The following SYT10 variants were observed in gnomAD, a reference collection of about 807,000 sequenced individuals.
The protein encoded by SYT10 is synaptotagmin-10.
A neutral mutation model predicts 51.1 loss-of-function variants in SYT10; 31 were observed. That is an observed-to-expected ratio of 0.61 (90% confidence interval 0.46 to 0.82). The LOEUF (loss-of-function observed/expected upper bound fraction) is 0.82. Among genes scored for constraint, SYT10 ranks in the 40% least tolerant of loss-of-function variants. SYT10 has a pLI of 0.00. For synonymous variants in SYT10, 233 were observed against 225.9 expected (o/e 1.03, Z -0.28); for missense variants, 603 against 634.0 (o/e 0.95, Z 0.53).
intron 3 of SYT10, among the ~76,000 whole-genome samples, chr12:33,392,255 A>G (rs1866214116): frequency 6.6e-6 from 1 of 152,138 alleles, no homozygotes; most frequent in South Asian, 2.1e-4. Flanking sequence ...TTTTCCTTAC[A>G]TATCTGGTAA....
At chr12:33,413,717 C>T in intron 2 of SYT10, among the ~76,000 whole-genome samples, 1 of 152,180 alleles carries the variant, frequency 6.6e-6, no homozygotes. Context: ...CGGTACCAGC[C>T]ACTGCAAAAA....
At position 33,376,706 on chromosome 12, in the gene SYT10, C is replaced by A; in HGVS notation, c.*124G>T. 9.8e-7 allele frequency: 1 copy of A among 1,022,440 alleles called. No homozygotes were observed. Among genetic ancestry groups the A allele is most frequent in the Non-Finnish European group, 1.4e-6 (1 of 698,998 alleles). The allele number at this position is 1,022,440 out of a possible 1,614,324, so 63.3% of individuals were successfully genotyped here. On this transcript the variant is annotated 3_prime_UTR_variant, in exon 7 of 7. Coordinates refer to ENST00000228567, the MANE Select transcript of SYT10 (RefSeq NM_198992.4). ...AACAATAAAAGCAAATAAAAAAGTG[C>A]ACATCAAGTTTGTTCATTAGTACGG...
At chr12:33,383,296 T>C (rs1866131807) in intron 4 of SYT10, among the ~76,000 whole-genome samples, 2 of 152,176 alleles carry the variant, frequency 1.3e-5, no homozygotes, top group African/African-American at 4.8e-5. Flanking sequence ...GCTATCAATT[T>C]TTTTTTCATT....
At chr12:33,411,419 T>C (rs1866403656) in intron 2 of SYT10, among the ~76,000 whole-genome samples, 2 of 152,160 alleles carry the variant, frequency 1.3e-5, no homozygotes, top group African/African-American at 4.8e-5. Flanking sequence ...AATTTGTAAA[T>C]GAAATTATGA....
intron 2 of SYT10, among the ~76,000 whole-genome samples, chr12:33,414,150 T>C (rs1866433237): frequency 6.6e-6 from 1 of 152,144 alleles, no homozygotes; most frequent in Non-Finnish European, 1.5e-5. Context: ...TAAATATATA[T>C]GCACCCAATA....
chr12:33,395,285 AGAG>A (rs1866246536), intron 3 of SYT10, among the ~76,000 whole-genome samples: 1 of 152,236 alleles, frequency 6.6e-6, no homozygotes, highest in Non-Finnish European at 1.5e-5. Flanking sequence ...AGCCTGTTAC[AGAG>A]GAGGAGAAGA....
chr12:33,424,754 A>T (rs1461056745), intron 2 of SYT10, among the ~76,000 whole-genome samples: 1 of 151,788 alleles, frequency 6.6e-6, no homozygotes, highest in African/African-American at 2.4e-5. Flanking sequence ...ATAAATATAT[A>T]GTTCAATAAA....
intron 2 of SYT10, among the ~76,000 whole-genome samples, chr12:33,419,909 C>T (rs754700953): frequency 3.3e-5 from 5 of 152,004 alleles, no homozygotes; most frequent in Non-Finnish European, 7.4e-5. Flanking sequence ...AATAATAAAT[C>T]CAAGAACTTA....
At chr12:33,421,428 C>T (rs1377219843) in intron 2 of SYT10, among the ~76,000 whole-genome samples, 3 of 152,158 alleles carry the variant, frequency 2.0e-5, no homozygotes, top group Admixed American at 6.6e-5. Context: ...CTATTCACCT[C>T]GTCTTTACGC....
intron 2 of SYT10, among the ~76,000 whole-genome samples, chr12:33,414,212 T>C (rs562954303): frequency 1.3e-5 from 2 of 152,258 alleles, no homozygotes; most frequent in South Asian, 4.1e-4. Flanking sequence ...CAAAGAGACT[T>C]AGACTCCCCC....
intron 3 of SYT10, among the ~76,000 whole-genome samples, chr12:33,402,888 A>G (rs1866318414): frequency 6.6e-6 from 1 of 152,118 alleles, no homozygotes; most frequent in Non-Finnish European, 1.5e-5. Flanking sequence ...TTCAACAATT[A>G]TGAGATATAA....
chr12:33,405,502 A>G (rs890200739), intron 3 of SYT10: 1 of 152,128 alleles, frequency 6.6e-6, no homozygotes, highest in African/African-American at 2.4e-5. Context: ...CTGGAATACA[A>G]TATTGAACTG....
intron 6 of SYT10, among the ~76,000 whole-genome samples, chr12:33,377,731 A>G (rs1161414723): frequency 6.9e-6 from 1 of 145,046 alleles, no homozygotes; most frequent in Non-Finnish European, 1.5e-5. Context: ...GGGTTTAAGC[A>G]ATTCTCCTGC....
chr12:33,412,239 A>G (rs1866413117), intron 2 of SYT10, among the ~76,000 whole-genome samples: 2 of 150,454 alleles, frequency 1.3e-5, no homozygotes, highest in African/African-American at 2.5e-5. Flanking sequence ...AAGTCCCTTT[A>G]TAAGAATAAA....
chr12:33,392,431 G>C (rs1382503389), intron 3 of SYT10, among the ~76,000 whole-genome samples: 1 of 151,950 alleles, frequency 6.6e-6, no homozygotes, highest in Non-Finnish European at 1.5e-5. Context: ...CACAATTTTT[G>C]CACAACACGC....
chr12:33,397,158 G>C (rs1267159245), intron 3 of SYT10, among the ~76,000 whole-genome samples: 1 of 152,158 alleles, frequency 6.6e-6, no homozygotes, highest in Non-Finnish European at 1.5e-5. Flanking sequence ...TAACCAGTTT[G>C]TAATTAGGAA....
chr12:33,412,131 C>T (rs1037370864), intron 2 of SYT10, among the ~76,000 whole-genome samples: 5 of 152,040 alleles, frequency 3.3e-5, no homozygotes, highest in African/African-American at 1.2e-4. Context: ...TTCACACTCC[C>T]TTGTGCTTTT....
intron 2 of SYT10, 28 bp from the exon 3 acceptor site, chr12:33,407,384 CATT>C: frequency 6.3e-7 from 1 of 1,587,844 alleles, no homozygotes; most frequent in Non-Finnish European, 8.5e-7. Flanking sequence ...TACACAAAAT[CATT>C]GAGGGAGATC....
chr12:33,434,957 T>C (rs1866626291), intron 1 of SYT10, among the ~76,000 whole-genome samples: 1 of 152,196 alleles, frequency 6.6e-6, no homozygotes, highest in Non-Finnish European at 1.5e-5. Flanking sequence ...TGGAATAAAA[T>C]GTAGATTGGG....
Sources: allele counts gnomAD v4.1 joint callset (sites outside exome capture counted in the v4.1 genomes callset), GRCh38; gene constraint gnomAD v4.1.1; transcripts MANE v1.5; gene names NCBI Gene and HGNC (gene_info 2026-07-23, HGNC 2026-07-21).